PLCB4: variants seen among roughly 807,000 people sequenced by gnomAD.
The protein encoded by PLCB4 is phospholipase C beta 4.
In PLCB4, 77 loss-of-function variants were observed where a neutral mutation model predicts 178.8. The ratio of observed to expected loss-of-function variants is 0.43; its 90% confidence interval spans 0.36 to 0.52. The LOEUF (loss-of-function observed/expected upper bound fraction) is 0.52, where lower values mean the gene tolerates loss of function less well. Among genes scored for constraint, PLCB4 ranks in the 20% least tolerant of loss-of-function variants. PLCB4 has a pLI of 0.00. For synonymous variants in PLCB4, 496 were observed against 490.8 expected (o/e 1.01, Z -0.14); for missense variants, 1,024 against 1,453.4 (o/e 0.70, Z 4.80).
chr20:9,434,070 C>G (rs1267391016), intron 28 of PLCB4, among the ~76,000 whole-genome samples: 1 of 152,166 alleles, frequency 6.6e-6, no homozygotes, highest in Non-Finnish European at 1.5e-5. Flanking sequence ...GACAAGCTGT[C>G]TACCAATAGG....
chr20:9,325,180 C>T (rs965628451), intron 4 of PLCB4, among the ~76,000 whole-genome samples: 3 of 152,174 alleles, frequency 2.0e-5, no homozygotes, highest in Non-Finnish European at 2.9e-5. Flanking sequence ...CTACAAAGCA[C>T]GTCTCCTGTT....
intron 1 of PLCB4, among the ~76,000 whole-genome samples, chr20:9,077,529 A>G (rs2089929340): frequency 6.6e-6 from 1 of 152,228 alleles, no homozygotes; most frequent in Admixed American, 6.5e-5. Flanking sequence ...TTTTAGAAAC[A>G]GACTATGTCC....
intron 3 of PLCB4, among the ~76,000 whole-genome samples, chr20:9,223,646 A>G (rs1415986342): frequency 2.0e-5 from 3 of 152,096 alleles, no homozygotes; most frequent in East Asian, 3.9e-4. Context: ...GAGCAGGGGG[A>G]CAGCCTGCCT....
At chr20:9,169,095 T>C (rs527523508) in intron 2 of PLCB4, among the ~76,000 whole-genome samples, 16 of 152,302 alleles carry the variant, frequency 1.1e-4, no homozygotes, top group African/African-American at 2.9e-4. Context: ...ATCTTGAACC[T>C]GAGTCTTCTG....
intron 2 of PLCB4, among the ~76,000 whole-genome samples, chr20:9,162,431 G>T (rs1468596746): frequency 6.6e-6 from 1 of 152,270 alleles, no homozygotes; most frequent in South Asian, 2.1e-4. Flanking sequence ...TAACTGTCAC[G>T]TCATGGTGAA....
At chr20:9,310,754 A>G (rs1418651970) in intron 4 of PLCB4, among the ~76,000 whole-genome samples, 1 of 152,154 alleles carries the variant, frequency 6.6e-6, no homozygotes, top group Non-Finnish European at 1.5e-5. Context: ...GCAGGGAGTA[A>G]GCAGTCAGTA....
chr20:9,413,180 C>T (rs1477569393), intron 25 of PLCB4, among the ~76,000 whole-genome samples: 2 of 152,220 alleles, frequency 1.3e-5, no homozygotes, highest in Non-Finnish European at 2.9e-5. Context: ...CTTCTGAAAA[C>T]TTGCAGTGGC....
intron 2 of PLCB4, among the ~76,000 whole-genome samples, chr20:9,106,250 G>A (rs1341997296): frequency 6.6e-6 from 1 of 151,418 alleles, no homozygotes; most frequent in African/African-American, 2.4e-5. Flanking sequence ...TTATTAGGTT[G>A]GTACAAAAGT....
intron 3 of PLCB4, among the ~76,000 whole-genome samples, chr20:9,293,477 GAA>G (rs1458081719): frequency 1.3e-5 from 2 of 150,864 alleles, no homozygotes; most frequent in East Asian, 2.0e-4. Flanking sequence ...CAGAAAGAGA[GAA>G]AGAGGACGAG....
chr20:9,442,016 T>C (rs2042139174), intron 30 of PLCB4, among the ~76,000 whole-genome samples: 1 of 152,130 alleles, frequency 6.6e-6, no homozygotes, highest in Non-Finnish European at 1.5e-5. Context: ...GGAACTATGC[T>C]GATATGAACA....
At chr20:9,452,924 A>C (rs558847567) in intron 32 of PLCB4, among the ~76,000 whole-genome samples, 2 of 152,252 alleles carry the variant, frequency 1.3e-5, no homozygotes, top group African/African-American at 4.8e-5. Flanking sequence ...CATTTAGCAT[A>C]TACAAGAGAA....
chr20:9,223,397 A>G (rs1028851392), intron 3 of PLCB4, among the ~76,000 whole-genome samples: 1 of 152,214 alleles, frequency 6.6e-6, no homozygotes, highest in African/African-American at 2.4e-5. Flanking sequence ...AGTGGCTGCA[A>G]ACAACAGCAG....
chr20:9,401,231 T>A (rs1014403221), intron 19 of PLCB4, among the ~76,000 whole-genome samples: 7 of 152,184 alleles, frequency 4.6e-5, no homozygotes, highest in Admixed American at 1.3e-4. Context: ...TTAAAAAAAA[T>A]TTATTAAGCA....
chr20:9,070,538 A>G (rs2089516206), intron 1 of PLCB4, among the ~76,000 whole-genome samples: 1 of 152,126 alleles, frequency 6.6e-6, no homozygotes, highest in East Asian at 1.9e-4. Context: ...TTTTCATAGG[A>G]CAGTCTTGCA....
intron 1 of PLCB4, among the ~76,000 whole-genome samples, chr20:9,070,885 A>G (rs1390714172): frequency 6.6e-6 from 1 of 152,218 alleles, no homozygotes; most frequent in Non-Finnish European, 1.5e-5. Context: ...CTGTTCTACA[A>G]GTAACTGTCA....
intron 2 of PLCB4, among the ~76,000 whole-genome samples, chr20:9,142,258 G>T (rs1452173284): frequency 6.6e-6 from 1 of 152,048 alleles, no homozygotes; most frequent in Non-Finnish European, 1.5e-5. Context: ...AGAATGGGTG[G>T]ATTTTCATGT....
At position 9,372,295 on chromosome 20, in the gene PLCB4, C is replaced by T; in HGVS notation, c.586-8C>T. On this transcript the variant is annotated splice_region_variant and splice_polypyrimidine_tract_variant and intron_variant, in intron 10 of 39. Transcript: ENST00000378473. ...CTGTGATTCATAACATGATTTTATT[C>T]CTTACAGAATGATGAAATTGAGCCC... is the stretch of plus-strand genomic sequence containing the variant. The T allele has an allele frequency of 6.8e-7, 1 of 1,462,718 alleles. No homozygotes were observed. Among genetic ancestry groups the T allele is most frequent in the African/African-American group, 1.4e-5 (1 of 71,596 alleles). The allele number at this position is 1,462,718 out of a possible 1,614,324, so 90.6% of individuals were successfully genotyped here. A position where few individuals can be genotyped will look rare whatever the true frequency, so the allele number is the denominator to read the frequency against.
intron 2 of PLCB4, among the ~76,000 whole-genome samples, chr20:9,129,575 A>T (rs149525814): frequency 1.6e-3 from 248 of 152,286 alleles, no homozygotes; most frequent in Non-Finnish European, 3.1e-3. Flanking sequence ...GGAGTTAAAA[A>T]GGTGCACTGT....
At chr20:9,317,359 T>A (rs73609454) in intron 4 of PLCB4, among the ~76,000 whole-genome samples, 3,524 of 152,302 alleles carry the variant, frequency 0.023, 152 homozygotes, top group African/African-American at 0.08. Flanking sequence ...ACTGCTCACC[T>A]TTCTTTTCTA....
Sources: gnomAD v4.1 joint callset for allele counts (sites outside exome capture counted in the v4.1 genomes callset) on GRCh38, gnomAD v4.1.1 for gene constraint, MANE v1.5 for transcripts, NCBI Gene and HGNC (gene_info 2026-07-23, HGNC 2026-07-21) for gene names.